Variants in NETO1 observed in about 807,000 individuals in gnomAD.
The protein encoded by NETO1 is neuropilin and tolloid-like protein 1.
Under a neutral mutation model 61.3 loss-of-function variants are expected in NETO1, and 26 were observed. The ratio of observed to expected loss-of-function variants is 0.42; its 90% confidence interval spans 0.31 to 0.59. The LOEUF is 0.59. NETO1 is among the 20% of genes least tolerant of loss of function. NETO1 has a pLI of 0.12. For missense variants in NETO1, 531 were observed against 662.8 expected (o/e 0.80, Z 2.18); for synonymous variants, 225 against 225.8 (o/e 1.00, Z 0.03).
intron 7 of NETO1, 105 bp downstream of exon 7, chr18:72,783,573 T>C (rs946296781): frequency 5.7e-6 from 5 of 876,110 alleles, no homozygotes; most frequent in African/African-American, 1.7e-5. Context: ...TATTAGAGAA[T>C]AGCCTGCTGT....
intron 7 of NETO1, among the ~76,000 whole-genome samples, chr18:72,778,290 T>C (rs1362457677): frequency 1.3e-5 from 2 of 152,218 alleles, no homozygotes; most frequent in Non-Finnish European, 2.9e-5. Context: ...AATCCACACT[T>C]ATTTTATCAG....
At chr18:72,762,174 T>C (rs1399145605) in intron 7 of NETO1, among the ~76,000 whole-genome samples, 2 of 151,878 alleles carry the variant, frequency 1.3e-5, no homozygotes, top group Non-Finnish European at 2.9e-5. Context: ...CTTTTTTTTT[T>C]TTTGAGGCTG....
At chr18:72,778,021 C>A (rs1202850757) in intron 7 of NETO1, among the ~76,000 whole-genome samples, 3 of 152,160 alleles carry the variant, frequency 2.0e-5, no homozygotes, top group Non-Finnish European at 2.9e-5. Context: ...GGCAGCCATG[C>A]CCCCACAGCT....
intron 4 of NETO1, among the ~76,000 whole-genome samples, chr18:72,799,049 G>A (rs913036564): frequency 3.9e-5 from 6 of 152,222 alleles, no homozygotes; most frequent in African/African-American, 1.2e-4. Context: ...TTCATCAAAT[G>A]TGTCTGCACT....
intron 4 of NETO1, 81 bp downstream of exon 4, chr18:72,858,745 G>A: frequency 7.6e-7 from 1 of 1,320,932 alleles, no homozygotes; most frequent in Non-Finnish European, 1.0e-6. Flanking sequence ...AAAGTATAAT[G>A]TTGTCTTACA....
chr18:72,786,798 T>C (rs1006030545), intron 6 of NETO1, among the ~76,000 whole-genome samples: 30 of 151,940 alleles, frequency 2.0e-4, no homozygotes, highest in Admixed American at 3.9e-4. Context: ...TCGTTTGTTT[T>C]TTCAATGTTA....
At chr18:72,777,722 G>C (rs144053398) in intron 7 of NETO1, among the ~76,000 whole-genome samples, 4 of 152,160 alleles carry the variant, frequency 2.6e-5, no homozygotes, top group East Asian at 1.9e-4. Flanking sequence ...CAGCCTGGGG[G>C]ACAGAACGAG....
intron 4 of NETO1, among the ~76,000 whole-genome samples, chr18:72,805,496 T>C (rs1281877142): frequency 1.3e-5 from 2 of 152,228 alleles, no homozygotes; most frequent in African/African-American, 4.8e-5. Context: ...ATTATTTTAA[T>C]TACTTTAAAT....
chr18:72,867,166 G>C, intron 1 of NETO1, 98 bp downstream of exon 1: 5 of 902,772 alleles, frequency 5.5e-6, no homozygotes, highest in South Asian at 2.2e-5. Flanking sequence ...GGGTCCGCCG[G>C]AGCGCGGCGC....
intron 4 of NETO1, among the ~76,000 whole-genome samples, chr18:72,857,428 T>C (rs2074440502): frequency 6.6e-6 from 1 of 152,230 alleles, no homozygotes; most frequent in African/African-American, 2.4e-5. Context: ...TAGCATTGCT[T>C]ATGTTGACAA....
chr18:72,790,015 A>T (rs1439911360), intron 6 of NETO1, among the ~76,000 whole-genome samples: 2 of 152,194 alleles, frequency 1.3e-5, no homozygotes. Context: ...ACTGTAAGAG[A>T]CTATTTGTCA....
intron 8 of NETO1, among the ~76,000 whole-genome samples, chr18:72,753,816 C>A (rs10514054): frequency 0.13 from 20,208 of 151,922 alleles, 1,565 homozygotes; most frequent in Middle Eastern, 0.19. Context: ...AAGGTGGGAG[C>A]TAAAATGTTA....
chr18:72,860,342 T>C (rs1023132353), intron 3 of NETO1, among the ~76,000 whole-genome samples: 7 of 152,124 alleles, frequency 4.6e-5, no homozygotes, highest in Non-Finnish European at 8.8e-5. Flanking sequence ...ATGGTGGCTG[T>C]CCACACCCCA....
chr18:72,825,595 C>G (rs532306176), intron 4 of NETO1, among the ~76,000 whole-genome samples: 1 of 151,908 alleles, frequency 6.6e-6, no homozygotes, highest in Non-Finnish European at 1.5e-5. Flanking sequence ...ATTTATTCTA[C>G]TATTATTTTT....
At chr18:72,839,354 C>T (rs2073851335) in intron 4 of NETO1, among the ~76,000 whole-genome samples, 4 of 152,162 alleles carry the variant, frequency 2.6e-5, no homozygotes, top group Admixed American at 1.3e-4. Flanking sequence ...ACAACAGGAA[C>T]ACAGGAAAAA....
intron 4 of NETO1, among the ~76,000 whole-genome samples, chr18:72,801,231 G>C (rs2072495876): frequency 6.6e-6 from 1 of 151,166 alleles, no homozygotes; most frequent in Admixed American, 6.6e-5. Flanking sequence ...AGTATAGACA[G>C]CATTTTCCTT....
chr18:72,808,604 A>C (rs2072760064), intron 4 of NETO1, among the ~76,000 whole-genome samples: 1 of 152,230 alleles, frequency 6.6e-6, no homozygotes, highest in Admixed American at 6.5e-5. Context: ...AAATTATTTA[A>C]AGATGTACGT....
At chr18:72,840,229 T>C (rs1286496485) in intron 4 of NETO1, among the ~76,000 whole-genome samples, 1 of 152,168 alleles carries the variant, frequency 6.6e-6, no homozygotes, top group African/African-American at 2.4e-5. Context: ...AATGTCTGCA[T>C]GATTGAGACA....
chr18:72,792,580 G>A (rs2072159615), intron 6 of NETO1, among the ~76,000 whole-genome samples: 1 of 151,494 alleles, frequency 6.6e-6, no homozygotes, highest in Non-Finnish European at 1.5e-5. Context: ...TACCGCCACA[G>A]CTTCCCACTT....
Sources: allele counts gnomAD v4.1 joint callset (sites outside exome capture counted in the v4.1 genomes callset), GRCh38; gene constraint gnomAD v4.1.1; transcripts MANE v1.5; gene names NCBI Gene and HGNC (gene_info 2026-07-23, HGNC 2026-07-21).